The following TRIM62 variants were observed in gnomAD, a reference collection of about 807,000 sequenced individuals.
TRIM62 encodes E3 ubiquitin-protein ligase TRIM62.
In TRIM62, 39 loss-of-function variants were observed where a neutral mutation model predicts 44.2. That is an observed-to-expected ratio of 0.88 (90% CI 0.68 to 1.15). The LOEUF is 1.15. Among genes scored for constraint, TRIM62 ranks in the 50% most tolerant of loss-of-function variants. The pLI is 0.00. For missense variants in TRIM62, 544 were observed against 665.5 expected (o/e 0.82, Z 2.01); for synonymous variants, 278 against 292.3 (o/e 0.95, Z 0.50).
chr1:33,170,595 C>G (rs1041371153), intron 1 of TRIM62, among the ~76,000 whole-genome samples: 4 of 152,096 alleles, frequency 2.6e-5, no homozygotes, highest in Non-Finnish European at 5.9e-5. Flanking sequence ...GGAGAGAAGG[C>G]CCCCAGCAGG....
intron 1 of TRIM62, among the ~76,000 whole-genome samples, chr1:33,179,349 G>A (rs1645443896): frequency 1.3e-5 from 2 of 152,340 alleles, no homozygotes; most frequent in Non-Finnish European, 1.5e-5. Flanking sequence ...GGGAAGGAGC[G>A]ATGGTGAACA....
chr1:33,168,331 T>C (rs1470924805), intron 1 of TRIM62, among the ~76,000 whole-genome samples: 1 of 152,152 alleles, frequency 6.6e-6, no homozygotes, highest in African/African-American at 2.4e-5. Context: ...ACTGTGGGGC[T>C]GCCACACCAT....
chr1:33,170,750 A>G (rs1645367758), intron 1 of TRIM62, among the ~76,000 whole-genome samples: 1 of 152,184 alleles, frequency 6.6e-6, no homozygotes, highest in South Asian at 2.1e-4. Context: ...TTCCTTGGTT[A>G]GAAGACTGGC....
intron 1 of TRIM62, among the ~76,000 whole-genome samples, chr1:33,175,185 T>C (rs1362155038): frequency 2.0e-5 from 3 of 151,226 alleles, no homozygotes; most frequent in African/African-American, 7.3e-5. Context: ...ATTATAGGTG[T>C]GTGCCACGAA....
intron 4 of TRIM62, among the ~76,000 whole-genome samples, chr1:33,152,573 GA>G (rs34380913): frequency 0.24 from 25,106 of 103,438 alleles, 2,026 homozygotes; most frequent in South Asian, 0.34. Flanking sequence ...GTCTCAAAAA[GA>G]AAAAAAAAAA....
chr1:33,170,479 T>C (rs950340869), intron 1 of TRIM62, among the ~76,000 whole-genome samples: 1 of 152,032 alleles, frequency 6.6e-6, no homozygotes, highest in Admixed American at 6.6e-5. Flanking sequence ...ACAATCTCAG[T>C]ACCTAGGACA....
At chr1:33,164,756 G>A in intron 2 of TRIM62, 1 of 151,824 alleles carries the variant, frequency 6.6e-6, no homozygotes, top group East Asian at 1.9e-4. Flanking sequence ...TGACTCCTAG[G>A]CAATGGGCTT....
chr1:33,157,542 T>TGA lies in TRIM62; in HGVS notation c.877+710_877+711insTC, dbSNP rs1201004952. Among the ~76,000 whole-genome samples, 1,269 of 152,272 alleles carry TGA rather than the reference T, an allele frequency of 8.3e-3. 17 individuals are homozygous for TGA. The highest frequency in any genetic ancestry group is 0.029 in the African/African-American group (1,203 of 41,544). On this transcript the variant is annotated intron_variant, in intron 4 of 4. Transcript: ENST00000291416. ...GCTCTGTATTTTTCTGATTTACTTT[T>TGA]GTCTACTTTCTATCTCACACCCTAG...
chr1:33,159,679 G>A lies in TRIM62; in HGVS notation c.761+9C>T, dbSNP rs368190918. On this transcript the variant is annotated intron_variant, in intron 3 of 4. Transcript: ENST00000291416. This position sits in a 1 kb window ranked among gnomAD's most constrained non-coding sequence, Gnocchi z 4.2. Reference sequence around the variant, plus strand: ...TCAGCCGGGGAGGGCCCCGGCGGGTGGCACTTACCGCTCGGACAGTGAGGC... The same window carrying A: ...TCAGCCGGGGAGGGCCCCGGCGGGTAGCACTTACCGCTCGGACAGTGAGGC... 4 of 1,601,238 alleles carry A rather than the reference G, an allele frequency of 2.5e-6. No homozygotes were observed. Among genetic ancestry groups the A allele is most frequent in the Non-Finnish European group, 3.4e-6 (4 of 1,175,134 alleles).
Position 33,146,106 on chromosome 1 carries a change from A to G in TRIM62, c.*1071T>C, listed in dbSNP as rs1645019005. The G allele has an allele frequency of 3.5e-6, 1 of 285,906 alleles. No homozygotes were observed. Among genetic ancestry groups the G allele is most frequent in the Non-Finnish European group, 7.0e-6 (1 of 143,422 alleles). The allele number at this position is 285,906 out of a possible 1,614,324, so 17.7% of individuals were successfully genotyped here. On this transcript the variant is annotated 3_prime_UTR_variant, in exon 5 of 5. Coordinates refer to ENST00000291416, the MANE Select transcript of TRIM62 (RefSeq NM_018207.3). ...AGCTTTCCTGGTCACAACAGACATG[A>G]TGAATCTGGCGCTGGGAGTTCCTGG...
Position 33,165,514 on chromosome 1 carries a change from G to C in TRIM62, c.461C>G (p.Thr154Ser), listed in dbSNP as rs748067497. The change falls in exon 2 of 5, where the codon ACC becomes AGC. Residue 154 changes from threonine to serine, a missense_variant. Transcript: ENST00000291416. The surrounding 1 kb of genome is among the most constrained non-coding windows in gnomAD (Gnocchi z 4.0). ...TCGCTTGAGCAGCTGCAGCGCTTCGGTGTGTTCCCGCTCGCTGTCTTGAAG... is the reference window on the plus strand; with the variant it reads ...TCGCTTGAGCAGCTGCAGCGCTTCGCTGTGTTCCCGCTCGCTGTCTTGAAG... ...QALQDSEREH[T>S]EALQLLKRQL... The C allele has an allele frequency of 1.2e-6, 2 of 1,610,598 alleles. No individual in the cohort carries two copies. The highest frequency in any genetic ancestry group is 1.7e-6 in the Non-Finnish European group (2 of 1,178,582).
Position 33,161,277 on chromosome 1 carries a change from G to A in TRIM62, c.505-1333C>T, listed in dbSNP as rs963718448. 1.3e-5 allele frequency among the ~76,000 whole-genome samples: 2 copies of A among 152,166 alleles called. No individual in the cohort carries two copies. Among genetic ancestry groups the A allele is most frequent in the African/African-American group, 4.8e-5 (2 of 41,444 alleles). On this transcript the variant is annotated intron_variant, in intron 2 of 4. Transcript: ENST00000291416. This position sits in a 1 kb window ranked among gnomAD's most constrained non-coding sequence, Gnocchi z 4.3. ...AGGGATGGGCAGGATGTCAGTTGGGGGTCAGGGGAACAGGCAGAGGGAGCC... is the reference window on the plus strand; with the variant it reads ...AGGGATGGGCAGGATGTCAGTTGGGAGTCAGGGGAACAGGCAGAGGGAGCC...
intron 1 of TRIM62, among the ~76,000 whole-genome samples, chr1:33,179,829 A>G (rs190422569): frequency 1.3e-5 from 2 of 152,364 alleles, no homozygotes; most frequent in East Asian, 3.9e-4. Flanking sequence ...GAACCATTTT[A>G]TTAAACACAG....
At chr1:33,150,206 C>G (rs553132039) in intron 4 of TRIM62, among the ~76,000 whole-genome samples, 1 of 152,376 alleles carries the variant, frequency 6.6e-6, no homozygotes, top group Admixed American at 6.5e-5. Flanking sequence ...GGAATTGCCT[C>G]TGTTCCTTGG....
chr1:33,155,372 C>T (rs999653760), intron 4 of TRIM62, among the ~76,000 whole-genome samples: 1 of 151,984 alleles, frequency 6.6e-6, no homozygotes, highest in Non-Finnish European at 1.5e-5. Flanking sequence ...TGCCCGGCCT[C>T]CCCTGACTCT....
At position 33,161,483 on chromosome 1, in the gene TRIM62, A is replaced by G. The variant is rs368673787; in HGVS notation, c.505-1539T>C. Among the ~76,000 whole-genome samples the G allele has an allele frequency of 4.6e-5, 7 of 152,218 alleles. No homozygotes were observed. The South Asian group carries it at 8.3e-4, about 18-fold the overall frequency. Reference sequence around the variant, plus strand: ...CTGTGGGAGGCTCTACAAAGGCTCAATTAGGGCCTGTTCCCTCCCCGACGC... The same window carrying G: ...CTGTGGGAGGCTCTACAAAGGCTCAGTTAGGGCCTGTTCCCTCCCCGACGC... On this transcript the variant is annotated intron_variant, in intron 2 of 4. Coordinates refer to ENST00000291416, the MANE Select transcript of TRIM62 (RefSeq NM_018207.3). The surrounding 1 kb of genome is among the most constrained non-coding windows in gnomAD (Gnocchi z 4.3).
chr1:33,158,583 C>T (rs953140016), intron 3 of TRIM62, among the ~76,000 whole-genome samples: 4 of 152,242 alleles, frequency 2.6e-5, no homozygotes, highest in Admixed American at 2.6e-4. Context: ...ATGCTAGCAT[C>T]AGCCTTCTAG....
chr1:33,147,875 G>A lies in TRIM62; in HGVS notation c.878-148C>T. The A allele has an allele frequency of 2.3e-6, 2 of 862,454 alleles. No individual in the cohort carries two copies. Among genetic ancestry groups the A allele is most frequent in the Non-Finnish European group, 3.5e-6 (2 of 573,468 alleles). The allele number at this position is 862,454 out of a possible 1,614,324, so 53.4% of individuals were successfully genotyped here. A position where few individuals can be genotyped will look rare whatever the true frequency, so the allele number is the denominator to read the frequency against. On this transcript the variant is annotated intron_variant, in intron 4 of 4. Coordinates refer to ENST00000291416, the MANE Select transcript of TRIM62 (RefSeq NM_018207.3). The surrounding 1 kb of genome is among the most constrained non-coding windows in gnomAD (Gnocchi z 8.1). ...CTTGAATACAAGTCTGCCCTCTCTG[G>A]GCCTCATCTTCCTCCTCTGTAGAAT...
chr1:33,146,880 CCCT>C lies in TRIM62; in HGVS notation c.*294_*296del. 2.3e-6 allele frequency: 1 copy of C among 436,028 alleles called. No homozygotes were observed. The highest frequency in any genetic ancestry group is 4.2e-6 in the Non-Finnish European group (1 of 238,618). 27.0% of individuals were successfully genotyped at this position (436,028 alleles called of 1,614,324 possible). A position where few individuals can be genotyped will look rare whatever the true frequency, so the allele number is the denominator to read the frequency against. On this transcript the variant is annotated 3_prime_UTR_variant, in exon 5 of 5. Transcript: ENST00000291416. ...GAGACACTGGAAGGTAGTCCCCTGC[CCCT>C]GAGAAGATGGGGATGAGGGTTGGGC... is the stretch of plus-strand genomic sequence containing the variant.
Sources: allele counts gnomAD v4.1 joint callset (sites outside exome capture counted in the v4.1 genomes callset), GRCh38; gene constraint gnomAD v4.1.1; non-coding constraint Gnocchi (gnomAD v3.1); transcripts MANE v1.5; gene names NCBI Gene and HGNC (gene_info 2026-07-23, HGNC 2026-07-21).